The following PPP3CA variants were observed in gnomAD, a reference collection of about 807,000 sequenced individuals.
The protein encoded by PPP3CA is CAM-PRP catalytic subunit.
PPP3CA carries 14 observed loss-of-function variants against 66.5 expected under a neutral mutation model. That is an observed-to-expected ratio of 0.21 (90% CI 0.14 to 0.33). The LOEUF (loss-of-function observed/expected upper bound fraction) is 0.33. Ranked by LOEUF, PPP3CA falls within the 10% of genes least tolerant of loss-of-function variation. PPP3CA has a pLI of 1.00. For missense variants in PPP3CA, 317 were observed against 639.5 expected (o/e 0.50, Z 5.44); for synonymous variants, 232 against 226.2 (o/e 1.03, Z -0.23).
At chr4:101,201,604 T>C (rs1177500428) in intron 1 of PPP3CA, among the ~76,000 whole-genome samples, 1 of 152,218 alleles carries the variant, frequency 6.6e-6, no homozygotes, top group Non-Finnish European at 1.5e-5. Flanking sequence ...TCTTCGCAAG[T>C]CCAGACACAT....
intron 1 of PPP3CA, among the ~76,000 whole-genome samples, chr4:101,275,280 T>C (rs1240352190): frequency 1.3e-5 from 2 of 152,198 alleles, no homozygotes; most frequent in East Asian, 3.8e-4. Flanking sequence ...CAGGTCCTGG[T>C]TTAGTTGTCA....
At chr4:101,135,755 A>G (rs1211723241) in intron 2 of PPP3CA, among the ~76,000 whole-genome samples, 1 of 152,246 alleles carries the variant, frequency 6.6e-6, no homozygotes, top group African/African-American at 2.4e-5. Context: ...CACCCACACT[A>G]GAAACATTTA....
At chr4:101,086,905 G>C (rs906657957) in intron 6 of PPP3CA, among the ~76,000 whole-genome samples, 3 of 152,196 alleles carry the variant, frequency 2.0e-5, no homozygotes, top group Non-Finnish European at 4.4e-5. Flanking sequence ...AGCTTCAATA[G>C]GGGCAGTCAA....
At chr4:101,306,689 AT>A (rs1316226869) in intron 1 of PPP3CA, among the ~76,000 whole-genome samples, 1 of 152,176 alleles carries the variant, frequency 6.6e-6, no homozygotes, top group Non-Finnish European at 1.5e-5. Context: ...TGAGCTACAG[AT>A]TTCATTCTCT....
chr4:101,328,344 T>C (rs1172597631), intron 1 of PPP3CA, among the ~76,000 whole-genome samples: 2 of 152,234 alleles, frequency 1.3e-5, no homozygotes, highest in Non-Finnish European at 2.9e-5. Flanking sequence ...AATTTAAGAA[T>C]TGTATAACTA....
intron 1 of PPP3CA, among the ~76,000 whole-genome samples, chr4:101,218,659 C>T (rs1425341112): frequency 6.6e-6 from 1 of 151,674 alleles, no homozygotes; most frequent in Non-Finnish European, 1.5e-5. Flanking sequence ...TGTATAATAA[C>T]GGAAAATATA....
In PPP3CA at chr4:101,240,055, G is replaced by A. The variant is rs561982483; in HGVS notation, c.59-43939C>T. Among the ~76,000 whole-genome samples the A allele has an allele frequency of 1.2e-3, 177 of 148,018 alleles. 1 individual carries two copies. Among genetic ancestry groups the A allele is most frequent in the Admixed American group, 7.3e-3 (108 of 14,810 alleles). ...GTTTTTTTTTGGGGGGAGCGGGGGG[G>A]AGGTGAGGTAGATAGTTACTGGAAC... On this transcript the variant is annotated intron_variant, in intron 1 of 13. Coordinates refer to ENST00000394854, the MANE Select transcript of PPP3CA (RefSeq NM_000944.5).
chr4:101,293,455 T>C lies in PPP3CA; in HGVS notation c.58+53284A>G, dbSNP rs1165392267. Among the ~76,000 whole-genome samples the C allele has an allele frequency of 2.0e-5, 3 of 152,176 alleles. No individual in the cohort carries two copies. The East Asian group carries it at 5.8e-4, about 29-fold the overall frequency. On this transcript the variant is annotated intron_variant, in intron 1 of 13. Coordinates refer to ENST00000394854, the MANE Select transcript of PPP3CA (RefSeq NM_000944.5). ...TGTCCTTGTAAGAAAGGAAGAAATA[T>C]TGGTCACTTTCTCTTTGATGTTTAC...
intron 8 of PPP3CA, among the ~76,000 whole-genome samples, chr4:101,078,243 A>G (rs1467698623): frequency 6.6e-6 from 1 of 152,214 alleles, no homozygotes; most frequent in African/African-American, 2.4e-5. Context: ...TGGGATATAC[A>G]ATATGACTTA....
Position 101,120,307 on chromosome 4 carries a change from C to A in PPP3CA, c.260-11229G>T, listed in dbSNP as rs554257375. Among the ~76,000 whole-genome samples the A allele has an allele frequency of 1.4e-3, 215 of 152,056 alleles. 1 individual carries two copies. The highest frequency in any genetic ancestry group is 5.0e-3 in the African/African-American group (208 of 41,512). Reference sequence around the variant, plus strand: ...GACGTTTCACTTGTGCTGCATTATACTGGGATAATAACAAAAATAAAAATA... The same window carrying A: ...GACGTTTCACTTGTGCTGCATTATAATGGGATAATAACAAAAATAAAAATA... On this transcript the variant is annotated intron_variant, in intron 2 of 13. Transcript: ENST00000394854.
chr4:101,151,878 G>C (rs1723153936), intron 2 of PPP3CA, among the ~76,000 whole-genome samples: 2 of 151,796 alleles, frequency 1.3e-5, no homozygotes, highest in Non-Finnish European at 2.9e-5. Flanking sequence ...GGATGATCTT[G>C]ATCTCCTGAC....
chr4:101,277,859 T>C (rs1216698683), intron 1 of PPP3CA, among the ~76,000 whole-genome samples: 2 of 152,180 alleles, frequency 1.3e-5, no homozygotes, highest in Non-Finnish European at 2.9e-5. Flanking sequence ...TGACTCACAA[T>C]GTTCTTTAGA....
chr4:101,334,742 C>A (rs1008206752), intron 1 of PPP3CA, among the ~76,000 whole-genome samples: 1 of 152,102 alleles, frequency 6.6e-6, no homozygotes, highest in African/African-American at 2.4e-5. Flanking sequence ...CTAAATGTTT[C>A]AAGATTATTC....
chr4:101,121,723 A>G (rs1388429808), intron 2 of PPP3CA, among the ~76,000 whole-genome samples: 2 of 152,182 alleles, frequency 1.3e-5, no homozygotes, highest in South Asian at 2.1e-4. Flanking sequence ...AGATAAGCCT[A>G]TATGAAATAA....
intron 1 of PPP3CA, among the ~76,000 whole-genome samples, chr4:101,285,538 C>T (rs1458775297): frequency 6.6e-6 from 1 of 151,232 alleles, no homozygotes; most frequent in Non-Finnish European, 1.5e-5. Flanking sequence ...CAAAGAGATA[C>T]ATTTCAAAGA....
intron 1 of PPP3CA, among the ~76,000 whole-genome samples, chr4:101,324,166 A>G (rs191333344): frequency 0.021 from 2,107 of 101,276 alleles, 71 homozygotes; most frequent in African/African-American, 0.087. Flanking sequence ...GGAAGGAAGG[A>G]AGGAAGGAAG....
chr4:101,136,276 C>A (rs1355715484), intron 2 of PPP3CA, among the ~76,000 whole-genome samples: 1 of 152,030 alleles, frequency 6.6e-6, no homozygotes, highest in Non-Finnish European at 1.5e-5. Context: ...GTTCATCAGC[C>A]GGGTGTGTAA....
rs563716503 is a variant in PPP3CA, at chr4:101,176,096, G to A, written c.259+19820C>T. ...CCTCTCAGGTTATTACCTCTGTCCC[G>A]CTGCCAAACATGATGTAAGAAAGCA... On this transcript the variant is annotated intron_variant, in intron 2 of 13. Transcript: ENST00000394854. Among the ~76,000 whole-genome samples, 90 of 152,146 alleles carry A rather than the reference G, an allele frequency of 5.9e-4. 2 individuals carry two copies. In the South Asian group the frequency reaches 0.017, roughly 29 times the overall value.
At chr4:101,215,262 T>C (rs1006391789) in intron 1 of PPP3CA, among the ~76,000 whole-genome samples, 1 of 151,982 alleles carries the variant, frequency 6.6e-6, no homozygotes, top group African/African-American at 2.4e-5. Context: ...GTTTTAAAAA[T>C]AAATGCAAAT....
Sources: gnomAD v4.1 joint callset for allele counts (sites outside exome capture counted in the v4.1 genomes callset) on GRCh38, gnomAD v4.1.1 for gene constraint, MANE v1.5 for transcripts, NCBI Gene and HGNC (gene_info 2026-07-23, HGNC 2026-07-21) for gene names.